GRID2: variants seen among roughly 807,000 people sequenced by gnomAD.
The protein encoded by GRID2 is glutamate ionotropic receptor delta type subunit 2, also known as glutamate receptor ionotropic, delta-2.
A neutral mutation model predicts 114.8 loss-of-function variants in GRID2; 33 were observed. The ratio of observed to expected loss-of-function variants is 0.29; its 90% CI spans 0.22 to 0.38. The LOEUF (loss-of-function observed/expected upper bound fraction) is 0.38. GRID2 is among the 10% of genes least tolerant of loss of function. GRID2 has a pLI of 1.00. For missense variants in GRID2, 1,184 were observed against 1,257.7 expected (o/e 0.94, Z 0.89); for synonymous variants, 505 against 449.9 (o/e 1.12, Z -1.55).
intron 10 of GRID2, among the ~76,000 whole-genome samples, chr4:93,453,993 A>G (rs1451150195): frequency 6.6e-6 from 1 of 152,122 alleles, no homozygotes; most frequent in African/African-American, 2.4e-5. Flanking sequence ...CTCAGAAAAG[A>G]CGGGACAAGG....
chr4:92,886,842 G>A (rs754224173), intron 2 of GRID2, among the ~76,000 whole-genome samples: 68 of 152,124 alleles, frequency 4.5e-4, no homozygotes, highest in Non-Finnish European at 3.5e-4. Flanking sequence ...AGCCAGGATG[G>A]CCTTGAAAAC....
At chr4:93,509,661 C>T (rs1728976736) in intron 12 of GRID2, among the ~76,000 whole-genome samples, 1 of 152,094 alleles carries the variant, frequency 6.6e-6, no homozygotes, top group South Asian at 2.1e-4. Flanking sequence ...TATGTTTTCA[C>T]AATTCATGCT....
At chr4:93,564,501 G>T (rs1426169796) in intron 13 of GRID2, among the ~76,000 whole-genome samples, 1 of 152,014 alleles carries the variant, frequency 6.6e-6, no homozygotes, top group South Asian at 2.1e-4. Context: ...ATTTGGCAAG[G>T]TAATTGACAG....
chr4:92,508,894 G>A (rs565947394), intron 1 of GRID2, among the ~76,000 whole-genome samples: 4 of 151,844 alleles, frequency 2.6e-5, no homozygotes, highest in Admixed American at 2.0e-4. Flanking sequence ...GGTAGTTGCT[G>A]TAGAGGTGTT....
chr4:93,395,848 A>G, intron 9 of GRID2, 140 bp downstream of exon 9: 2 of 496,150 alleles, frequency 4.0e-6, no homozygotes, highest in Non-Finnish European at 7.4e-6. Context: ...TTTAATGGTC[A>G]TATTTCACAG....
chr4:93,205,551 C>G (rs969166310), intron 4 of GRID2, among the ~76,000 whole-genome samples: 3 of 152,236 alleles, frequency 2.0e-5, no homozygotes, highest in Admixed American at 6.5e-5. Flanking sequence ...TTAATCCAGT[C>G]TATCGTTGTT....
chr4:92,594,908 T>C (rs903592242), intron 2 of GRID2, among the ~76,000 whole-genome samples: 2 of 152,014 alleles, frequency 1.3e-5, no homozygotes, highest in East Asian at 1.9e-4. Context: ...AAATGGGCCA[T>C]GAAAGGTGGA....
Position 92,816,631 on chromosome 4 carries a change from C to A in GRID2, c.244+226345C>A, listed in dbSNP as rs940900746. 5.9e-5 allele frequency among the ~76,000 whole-genome samples: 9 copies of A among 152,096 alleles called. No individual in the cohort carries two copies. In the East Asian group the frequency reaches 1.2e-3, roughly 20 times the overall value. On this transcript the variant is annotated intron_variant, in intron 2 of 15. Transcript: ENST00000282020. The stretch of plus-strand genomic sequence containing the variant: ...CTTAAGTATTTTCTAAGAAATGATG[C>A]GTAAATATTTGCTACTAAAAGAGTT...
At chr4:93,018,085 T>C (rs553380051) in intron 2 of GRID2, among the ~76,000 whole-genome samples, 31 of 151,984 alleles carry the variant, frequency 2.0e-4, no homozygotes, top group African/African-American at 7.2e-4. Flanking sequence ...GTATAAATTA[T>C]ACTTTTTCTC....
At chr4:93,135,975 TA>T (rs1254622416) in intron 4 of GRID2, among the ~76,000 whole-genome samples, 1 of 152,192 alleles carries the variant, frequency 6.6e-6, no homozygotes, top group Non-Finnish European at 1.5e-5. Context: ...ATCCATTTTG[TA>T]AAAATTTAAC....
At chr4:92,535,203 G>A (rs530890961) in intron 1 of GRID2, among the ~76,000 whole-genome samples, 1 of 152,164 alleles carries the variant, frequency 6.6e-6, no homozygotes, top group East Asian at 1.9e-4. Flanking sequence ...TATATTTTAA[G>A]AATCTATATC....
At chr4:93,610,672 T>C (rs1227357486) in intron 13 of GRID2, among the ~76,000 whole-genome samples, 1 of 33,838 alleles carries the variant, frequency 3.0e-5, no homozygotes, top group Non-Finnish European at 5.7e-5. Context: ...GCCCACTTGA[T>C]CATGGTGGAT....
At chr4:92,344,436 A>T (rs1263037034) in intron 1 of GRID2, among the ~76,000 whole-genome samples, 2 of 152,154 alleles carry the variant, frequency 1.3e-5, no homozygotes. Flanking sequence ...TAACATTTTT[A>T]AGATTCTTGG....
chr4:93,602,553 T>C (rs1223808597), intron 13 of GRID2, among the ~76,000 whole-genome samples: 1 of 152,224 alleles, frequency 6.6e-6, no homozygotes, highest in East Asian at 1.9e-4. Flanking sequence ...CCAGTGATAT[T>C]TGATACTACT....
intron 14 of GRID2, among the ~76,000 whole-genome samples, chr4:93,647,706 T>G (rs1434572347): frequency 6.6e-6 from 1 of 152,200 alleles, no homozygotes; most frequent in Non-Finnish European, 1.5e-5. Context: ...TGGCTTAGAC[T>G]GTGTACCTAA....
At chr4:93,257,987 TATATATATATATACAC>T (rs779997222) in intron 8 of GRID2, among the ~76,000 whole-genome samples, 31 of 127,882 alleles carry the variant, frequency 2.4e-4, no homozygotes, top group African/African-American at 9.1e-4. Context: ...TGTATATATA[TATATATATATATACAC>T]ACACACACAC....
chr4:92,550,594 C>G (rs1579565944), intron 1 of GRID2, among the ~76,000 whole-genome samples: 2 of 152,128 alleles, frequency 1.3e-5, no homozygotes, highest in Non-Finnish European at 2.9e-5. Flanking sequence ...GTTTGGCAGG[C>G]TCTCTGTCTG....
chr4:93,411,844 C>T lies in GRID2; in HGVS notation c.1348-10927C>T, dbSNP rs545268291. Among the ~76,000 whole-genome samples, 39 of 151,732 alleles carry T rather than the reference C, an allele frequency of 2.6e-4. 2 individuals carry two copies. The South Asian group carries it at 7.7e-3, about 30-fold the overall frequency. ...ATTTATCTAGGGTTGTATGTAATTC[C>T]CAGCCTTCTAACTGTTGACAGTTTT... On this transcript the variant is annotated intron_variant, in intron 9 of 15. Transcript: ENST00000282020.
At chr4:93,569,031 G>T (rs1257062877) in intron 13 of GRID2, among the ~76,000 whole-genome samples, 1 of 152,176 alleles carries the variant, frequency 6.6e-6, no homozygotes, top group Non-Finnish European at 1.5e-5. Flanking sequence ...CCGATATAAA[G>T]TTGTAAATGC....
Sources: gnomAD v4.1 joint callset for allele counts (sites outside exome capture counted in the v4.1 genomes callset) on GRCh38, gnomAD v4.1.1 for gene constraint, MANE v1.5 for transcripts, NCBI Gene and HGNC (gene_info 2026-07-23, HGNC 2026-07-21) for gene names.